LRP1B: variants seen among roughly 807,000 people sequenced by gnomAD.
The protein encoded by LRP1B is low-density lipoprotein receptor-related protein 1B.
In LRP1B, 217 loss-of-function variants were observed where a neutral mutation model predicts 556.6. That is an observed-to-expected ratio of 0.39 (90% confidence interval 0.35 to 0.44). The LOEUF is 0.44. Among genes scored for constraint, LRP1B ranks in the 20% least tolerant of loss-of-function variants. The pLI is 1.00. For synonymous variants in LRP1B, 2,047 were observed against 1,865.8 expected, an observed-to-expected ratio of 1.10 and a Z score of -2.50; for missense variants, 5,053 against 5,620.8, an observed-to-expected ratio of 0.90 and a Z score of 3.23.
intron 20 of LRP1B, among the ~76,000 whole-genome samples, chr2:140,943,126 A>G (rs1695448872): frequency 6.6e-6 from 1 of 152,118 alleles, no homozygotes; most frequent in Admixed American, 6.6e-5. Context: ...AACAGCAGGG[A>G]TTGCTATTCT....
chr2:140,269,147 T>A, intron 86 of LRP1B: 1 of 404,524 alleles, frequency 2.5e-6, no homozygotes, highest in Non-Finnish European at 5.1e-6. Context: ...ATGACACAGA[T>A]GAGCCCCGAG....
At chr2:140,754,739 C>A (rs1688686594) in intron 35 of LRP1B, among the ~76,000 whole-genome samples, 1 of 148,014 alleles carries the variant, frequency 6.8e-6, no homozygotes, top group African/African-American at 2.5e-5. Flanking sequence ...GATCTCAAAT[C>A]AATAACCTAA....
At chr2:141,200,660 C>T (rs1681969640) in intron 6 of LRP1B, among the ~76,000 whole-genome samples, 2 of 152,062 alleles carry the variant, frequency 1.3e-5, no homozygotes, top group Non-Finnish European at 2.9e-5. Context: ...GACTCATCCC[C>T]ATCAATGTAT....
rs930109452 is a variant in LRP1B at position 140,950,524 on chromosome 2, C to T, written c.2969-122G>A. 67 of 746,840 alleles carry T rather than the reference C, an allele frequency of 9.0e-5. No homozygotes were observed. The African/African-American group carries it at 1.1e-3, about 12-fold the overall frequency. 46.3% of individuals were successfully genotyped at this position (746,840 alleles called of 1,614,324 possible). A position where few individuals can be genotyped will look rare whatever the true frequency, so the allele number is the denominator to read the frequency against. ...TTTGAGACAGAGTCTTGCTCTGTCA[C>T]CCAACCTGTAGTGCAGTGGCACTAT... On this transcript the variant is annotated intron_variant, in intron 19 of 90. Transcript: ENST00000389484.
rs1227933733 is a variant in LRP1B at position 140,763,318 on chromosome 2, C to CAG, written c.5758+5894_5758+5895insCT. ...GAGTGGGGAGAAAGAGTGGTACATTCAATTCTGAATGTACCACTGAGGAGA... is the reference window on the plus strand; with the variant it reads ...GAGTGGGGAGAAAGAGTGGTACATTCAGAATTCTGAATGTACCACTGAGGAGA... On this transcript the variant is annotated intron_variant, in intron 35 of 90. Coordinates refer to ENST00000389484, the MANE Select transcript of LRP1B (RefSeq NM_018557.3). Among the ~76,000 whole-genome samples, 4 of 151,970 alleles carry CAG rather than the reference C, an allele frequency of 2.6e-5. No homozygotes were observed. In the East Asian group the frequency reaches 7.8e-4, roughly 29 times the overall value.
intron 3 of LRP1B, among the ~76,000 whole-genome samples, chr2:141,410,484 A>G (rs1242947916): frequency 6.6e-6 from 1 of 152,112 alleles, no homozygotes; most frequent in Non-Finnish European, 1.5e-5. Context: ...GTTATATAAC[A>G]TCAGGTACAG....
chr2:141,998,092 A>T (rs937884615), intron 1 of LRP1B, among the ~76,000 whole-genome samples: 1 of 152,198 alleles, frequency 6.6e-6, no homozygotes, highest in African/African-American at 2.4e-5. Context: ...AAAGCACTAC[A>T]TGGCTTAGTC....
intron 35 of LRP1B, among the ~76,000 whole-genome samples, chr2:140,755,559 A>G (rs1311992007): frequency 6.6e-6 from 1 of 151,988 alleles, no homozygotes; most frequent in Non-Finnish European, 1.5e-5. Context: ...TCAACAGAAT[A>G]AGTGACAAAA....
intron 1 of LRP1B, among the ~76,000 whole-genome samples, chr2:142,094,141 TG>T (rs1706274023): frequency 6.6e-6 from 1 of 152,084 alleles, no homozygotes; most frequent in Non-Finnish European, 1.5e-5. Flanking sequence ...ACAGCTCCAC[TG>T]CCGTGACTTA....
At chr2:141,884,580 TTAGAAAG>T in intron 1 of LRP1B, among the ~76,000 whole-genome samples, 1 of 152,196 alleles carries the variant, frequency 6.6e-6, no homozygotes. Flanking sequence ...ATACATTATA[TTAGAAAG>T]TAGACTTTCT....
At chr2:141,590,287 T>C (rs1216837321) in intron 2 of LRP1B, among the ~76,000 whole-genome samples, 1 of 152,208 alleles carries the variant, frequency 6.6e-6, no homozygotes, top group South Asian at 2.1e-4. Flanking sequence ...TGTGTTTGCC[T>C]GACATAAGCT....
At chr2:140,759,360 G>A (rs927898511) in intron 35 of LRP1B, among the ~76,000 whole-genome samples, 2 of 152,058 alleles carry the variant, frequency 1.3e-5, no homozygotes, top group Non-Finnish European at 1.5e-5. Flanking sequence ...TATACTAGAC[G>A]CTGACAATCA....
chr2:140,675,683 G>C lies in LRP1B; in HGVS notation c.6799+24567C>G, dbSNP rs148313099. On this transcript the variant is annotated intron_variant, in intron 41 of 90. Transcript: ENST00000389484. ...TTCCAGCTACTCAGGAAGCTGAGGA[G>C]AAAGAATTGCTTTAGCCCAGGAGTT... is the stretch of plus-strand genomic sequence containing the variant. 6.2e-4 allele frequency among the ~76,000 whole-genome samples: 95 copies of C among 152,258 alleles called. 1 individual carries two copies. In the East Asian group the frequency reaches 0.018, roughly 28 times the overall value.
intron 5 of LRP1B, among the ~76,000 whole-genome samples, chr2:141,241,941 T>TAA (rs796383932): frequency 4.8e-5 from 7 of 144,612 alleles, no homozygotes; most frequent in African/African-American, 7.6e-5. Flanking sequence ...AAAAATAATG[T>TAA]AAAAAAAAAA....
intron 6 of LRP1B, among the ~76,000 whole-genome samples, chr2:141,207,115 G>T (rs960761478): frequency 2.0e-5 from 3 of 152,106 alleles, no homozygotes; most frequent in African/African-American, 7.2e-5. Flanking sequence ...GTCGTTCTGG[G>T]TGTCATTTCC....
chr2:141,812,662 G>A (rs935981882), intron 1 of LRP1B, among the ~76,000 whole-genome samples: 2 of 152,030 alleles, frequency 1.3e-5, no homozygotes, highest in Non-Finnish European at 2.9e-5. Context: ...GAAGTATTTT[G>A]CCTATAATTT....
At chr2:140,635,947 A>C (rs1684057319) in intron 41 of LRP1B, among the ~76,000 whole-genome samples, 1 of 152,080 alleles carries the variant, frequency 6.6e-6, no homozygotes, top group African/African-American at 2.4e-5. Flanking sequence ...ATTCTTAGTA[A>C]TCTACGCTAT....
chr2:141,631,380 G>A (rs1304898328), intron 2 of LRP1B, among the ~76,000 whole-genome samples: 1 of 151,950 alleles, frequency 6.6e-6, no homozygotes, highest in Admixed American at 6.6e-5. Flanking sequence ...TCATATGACA[G>A]TTTTTATATT....
intron 2 of LRP1B, among the ~76,000 whole-genome samples, chr2:141,723,755 TA>T (rs1295859584): frequency 6.6e-6 from 1 of 151,884 alleles, no homozygotes; most frequent in Non-Finnish European, 1.5e-5. Flanking sequence ...ACTGCATTTT[TA>T]AAAATAATTA....
Sources: gnomAD v4.1 joint callset for allele counts (sites outside exome capture counted in the v4.1 genomes callset) on GRCh38, gnomAD v4.1.1 for gene constraint, MANE v1.5 for transcripts, NCBI Gene and HGNC (gene_info 2026-07-23, HGNC 2026-07-21) for gene names.